Variants in RPN1 observed in about 807,000 individuals in gnomAD.
RPN1 encodes ribophorin I, also known as dolichyl-diphosphooligosaccharide--protein glycosyltransferase subunit 1.
Under a neutral mutation model 55.5 loss-of-function variants are expected in RPN1, and 12 were observed. That is an observed-to-expected ratio of 0.22 (90% CI 0.14 to 0.35). The LOEUF (loss-of-function observed/expected upper bound fraction) is 0.35. Ranked by LOEUF, RPN1 falls within the 10% of genes least tolerant of loss-of-function variation. The probability of loss-of-function intolerance (pLI) is 1.00; values close to 1 mark genes in which losing one functional copy is unlikely to be tolerated. For synonymous variants in RPN1, 317 were observed against 305.9 expected (o/e 1.04, Z -0.38); for missense variants, 679 against 761.3 (o/e 0.89, Z 1.27).
chr3:128,643,034 A>G (rs2107721104), intron 2 of RPN1, among the ~76,000 whole-genome samples: 1 of 151,234 alleles, frequency 6.6e-6, no homozygotes, highest in South Asian at 2.1e-4. Flanking sequence ...AAAAAAGAAA[A>G]AAGAAAAAAG....
At chr3:128,641,678 C>T (rs982337490) in intron 2 of RPN1, among the ~76,000 whole-genome samples, 8 of 144,668 alleles carry the variant, frequency 5.5e-5, no homozygotes, top group African/African-American at 1.5e-4. Context: ...GGCATAATCT[C>T]GGCTCACCGG....
Position 128,622,293 on chromosome 3 carries a change from C to T in RPN1, c.1512G>A (p.Lys504=). 6.2e-7 allele frequency: 1 copy of T among 1,614,254 alleles called. No individual in the cohort carries two copies. The highest frequency in any genetic ancestry group is 8.5e-7 in the Non-Finnish European group (1 of 1,180,046). ...RHFDETVNRY[K]QSRDISTLNS... ...TGAGGGTGGAGATGTCCCGGGATTGCTTGTACCTATTGACGGTCTCGTCAA... is the reference window on the plus strand; with the variant it reads ...TGAGGGTGGAGATGTCCCGGGATTGTTTGTACCTATTGACGGTCTCGTCAA... The change falls in exon 9 of 10, where the codon AAG becomes AAA. Residue 504 remains lysine (K), a synonymous_variant. Coordinates refer to ENST00000296255, the MANE Select transcript of RPN1 (RefSeq NM_002950.4).
intron 1 of RPN1, among the ~76,000 whole-genome samples, chr3:128,649,786 G>C (rs1341364168): frequency 6.6e-6 from 1 of 152,172 alleles, no homozygotes; most frequent in Admixed American, 6.6e-5. Flanking sequence ...AGAAGCAGCA[G>C]GGGGAAGGGA....
chr3:128,643,647 T>C (rs1057432654), intron 2 of RPN1, among the ~76,000 whole-genome samples: 1 of 151,840 alleles, frequency 6.6e-6, no homozygotes, highest in Non-Finnish European at 1.5e-5. Flanking sequence ...AATACAAAAA[T>C]TAGCCAGGTG....
At chr3:128,625,373 C>T (rs2069590717) in intron 8 of RPN1, among the ~76,000 whole-genome samples, 161 bp downstream of exon 8, 1 of 152,158 alleles carries the variant, frequency 6.6e-6, no homozygotes, top group Admixed American at 6.5e-5. Context: ...CTAGTGACCA[C>T]AAGCAACAAA....
chr3:128,650,732 G>T lies in RPN1; in HGVS notation c.69C>A (p.Ser23Arg). 6.4e-7 allele frequency: 1 copy of T among 1,554,904 alleles called. No individual in the cohort carries two copies. Among genetic ancestry groups the T allele is most frequent in the South Asian group, 1.2e-5 (1 of 84,392 alleles). ...LLGTWAPAPG[S>R]ASSEAPPLIN... Reference sequence around the variant, plus strand: ...TCAGCGGCGGTGCCTCGGAGGAGGCGCTGCCCGGCGCCGGGGCCCAAGTCC... The same window carrying T: ...TCAGCGGCGGTGCCTCGGAGGAGGCTCTGCCCGGCGCCGGGGCCCAAGTCC... The change falls in exon 1 of 10, where the codon AGC becomes AGA. Residue 23 changes from serine (S) to arginine (R), a missense_variant. Around this residue, in one of 3 missense-constraint regions of RPN1, gnomAD observed 352 missense variants for 352.8 expected, o/e 1.00. Coordinates refer to ENST00000296255, the MANE Select transcript of RPN1 (RefSeq NM_002950.4).
intron 2 of RPN1, among the ~76,000 whole-genome samples, chr3:128,640,814 T>TC (rs2069718896): frequency 1.3e-5 from 2 of 152,146 alleles, no homozygotes; most frequent in Non-Finnish European, 1.5e-5. Context: ...GTGCCTAGAC[T>TC]ACTGCATCTC....
chr3:128,648,255 C>T (rs575819157), intron 1 of RPN1, among the ~76,000 whole-genome samples: 82 of 152,152 alleles, frequency 5.4e-4, no homozygotes, highest in Middle Eastern at 3.4e-3. Context: ...ATTAGCTGGG[C>T]GTGGCAGCAC....
At chr3:128,637,642 G>C (rs990100152) in intron 3 of RPN1, among the ~76,000 whole-genome samples, 157 bp downstream of exon 3, 1 of 152,074 alleles carries the variant, frequency 6.6e-6, no homozygotes, top group Non-Finnish European at 1.5e-5. Flanking sequence ...AGACCCCCAT[G>C]GAGTCATTTC....
At chr3:128,629,296 G>A (rs1379624118) in intron 5 of RPN1, among the ~76,000 whole-genome samples, 1 of 152,064 alleles carries the variant, frequency 6.6e-6, no homozygotes, top group African/African-American at 2.4e-5. Context: ...CATGGTGGCT[G>A]TCACCTATAA....
At chr3:128,647,746 T>G (rs932407766) in intron 1 of RPN1, among the ~76,000 whole-genome samples, 2 of 151,698 alleles carry the variant, frequency 1.3e-5, no homozygotes, top group African/African-American at 4.9e-5. Context: ...TCAGGAACTC[T>G]CATTGTGTTC....
chr3:128,649,794 G>C (rs1177379400), intron 1 of RPN1, among the ~76,000 whole-genome samples: 1 of 152,116 alleles, frequency 6.6e-6, no homozygotes, highest in Non-Finnish European at 1.5e-5. Flanking sequence ...CAGGGGGAAG[G>C]GAGAAAATTG....
At chr3:128,627,522 G>A (rs1314558329) in intron 5 of RPN1, among the ~76,000 whole-genome samples, 1 of 152,200 alleles carries the variant, frequency 6.6e-6, no homozygotes, top group Non-Finnish European at 1.5e-5. Flanking sequence ...TGTAATCCCA[G>A]TACTTTGGGA....
intron 2 of RPN1, among the ~76,000 whole-genome samples, chr3:128,638,796 T>C (rs1458854036): frequency 1.3e-5 from 2 of 152,166 alleles, no homozygotes; most frequent in African/African-American, 2.4e-5. Flanking sequence ...CAAAACCCTG[T>C]CTCTATTAAA....
intron 8 of RPN1, among the ~76,000 whole-genome samples, chr3:128,624,216 G>A (rs1028775038): frequency 6.6e-6 from 1 of 152,162 alleles, no homozygotes; most frequent in Non-Finnish European, 1.5e-5. Context: ...CAGGCACGGT[G>A]TCTCATGCCT....
intron 1 of RPN1, among the ~76,000 whole-genome samples, chr3:128,646,065 A>C (rs1293501083): frequency 1.3e-5 from 2 of 151,642 alleles, no homozygotes; most frequent in Admixed American, 6.6e-5. Flanking sequence ...CAATATAGTG[A>C]AACCCCATCT....
intron 3 of RPN1, among the ~76,000 whole-genome samples, chr3:128,633,978 C>A (rs2069659665): frequency 6.6e-6 from 1 of 150,986 alleles, no homozygotes; most frequent in Non-Finnish European, 1.5e-5. Context: ...GCGAGACTGT[C>A]TCTCAAAAAA....
chr3:128,626,142 T>C, intron 6 of RPN1, 130 bp from the exon 7 acceptor site: 1 of 888,720 alleles, frequency 1.1e-6, no homozygotes. Flanking sequence ...CTCTGCTCCC[T>C]TCTCAGCTAT....
intron 1 of RPN1, among the ~76,000 whole-genome samples, chr3:128,648,951 T>C (rs566923409): frequency 4.9e-4 from 75 of 152,316 alleles, no homozygotes; most frequent in African/African-American, 1.6e-3. Flanking sequence ...TACAGCCTCC[T>C]TGCCTGCTAT....
Sources: allele counts gnomAD v4.1 joint callset (sites outside exome capture counted in the v4.1 genomes callset), GRCh38; gene constraint gnomAD v4.1.1; regional missense constraint gnomAD v4.1.1; transcripts MANE v1.5; gene names NCBI Gene and HGNC (gene_info 2026-07-23, HGNC 2026-07-21).